Variants in PITPNC1 observed in about 807,000 individuals in gnomAD.
The protein encoded by PITPNC1 is phosphatidylinositol transfer protein cytoplasmic 1, also known as cytoplasmic phosphatidylinositol transfer protein 1.
Under a neutral mutation model 44.7 loss-of-function variants are expected in PITPNC1, and 18 were observed. The observed-to-expected ratio is 0.40, with a 90% CI of 0.28 to 0.60. The LOEUF (loss-of-function observed/expected upper bound fraction) is 0.60. Ranked by LOEUF, PITPNC1 falls within the 20% of genes least tolerant of loss-of-function variation. The pLI is 0.39. For missense variants in PITPNC1, 290 were observed against 418.4 expected, an observed-to-expected ratio of 0.69 and a Z score of 2.68; for synonymous variants, 141 against 149.6, an observed-to-expected ratio of 0.94 and a Z score of 0.42.
chr17:67,688,996 A>G (rs1185894668), intron 8 of PITPNC1, among the ~76,000 whole-genome samples: 33 of 152,192 alleles, frequency 2.2e-4, no homozygotes. Flanking sequence ...TGAGGTCGGG[A>G]GTTCAAGACC....
chr17:67,427,173 ACTTT>A (rs1269028131), intron 1 of PITPNC1, among the ~76,000 whole-genome samples: 11 of 152,008 alleles, frequency 7.2e-5, no homozygotes, highest in South Asian at 2.1e-4. Context: ...GACCCTGGCT[ACTTT>A]CTTTCTTTCC....
intron 1 of PITPNC1, among the ~76,000 whole-genome samples, chr17:67,478,979 A>G (rs549586216): frequency 1.2e-3 from 184 of 151,886 alleles, no homozygotes; most frequent in Non-Finnish European, 2.0e-3. Context: ...TGGTACCAGC[A>G]CAGAGTGGAG....
chr17:67,487,238 G>A (rs964131892), intron 1 of PITPNC1, among the ~76,000 whole-genome samples: 1 of 151,950 alleles, frequency 6.6e-6, no homozygotes, highest in East Asian at 1.9e-4. Flanking sequence ...GTAGTGGCAC[G>A]ATCTCAGCTC....
intron 1 of PITPNC1, among the ~76,000 whole-genome samples, chr17:67,405,380 G>A (rs1413884783): frequency 6.6e-6 from 1 of 151,154 alleles, no homozygotes; most frequent in Non-Finnish European, 1.5e-5. Flanking sequence ...TTGTGCCACT[G>A]TACTCCAGTC....
intron 5 of PITPNC1, among the ~76,000 whole-genome samples, chr17:67,590,728 C>T (rs1433489576): frequency 1.3e-5 from 2 of 151,958 alleles, no homozygotes; most frequent in South Asian, 4.2e-4. Flanking sequence ...TTTAGCAGGC[C>T]GAGGTGGGTG....
intron 5 of PITPNC1, among the ~76,000 whole-genome samples, chr17:67,605,033 C>T (rs1283967052): frequency 2.0e-5 from 3 of 152,082 alleles, no homozygotes; most frequent in Non-Finnish European, 2.9e-5. Context: ...GAGCCGAAAT[C>T]GCGCCATTGC....
chr17:67,636,319 A>G (rs2042032538), intron 6 of PITPNC1, among the ~76,000 whole-genome samples: 1 of 150,760 alleles, frequency 6.6e-6, no homozygotes, highest in Non-Finnish European at 1.5e-5. Flanking sequence ...ATCTGGCTCC[A>G]AATGTCCATA....
At chr17:67,466,158 G>C (rs371362577) in intron 1 of PITPNC1, among the ~76,000 whole-genome samples, 4 of 123,506 alleles carry the variant, frequency 3.2e-5, no homozygotes, top group African/African-American at 1.3e-4. Context: ...ACGCCCAAAT[G>C]CATAACTAAT....
At chr17:67,575,462 G>T (rs1487210448) in intron 4 of PITPNC1, among the ~76,000 whole-genome samples, 1 of 152,184 alleles carries the variant, frequency 6.6e-6, no homozygotes, top group Admixed American at 6.5e-5. Flanking sequence ...CCTTAGTCAC[G>T]GTTCAGATCC....
At chr17:67,606,988 G>A (rs188735010) in intron 5 of PITPNC1, among the ~76,000 whole-genome samples, 7 of 152,256 alleles carry the variant, frequency 4.6e-5, no homozygotes, top group Admixed American at 1.3e-4. Flanking sequence ...AACCTGCTCC[G>A]CTCTCCTGTC....
intron 1 of PITPNC1, among the ~76,000 whole-genome samples, chr17:67,406,689 C>T (rs1017732855): frequency 1.6e-4 from 24 of 151,488 alleles, no homozygotes; most frequent in African/African-American, 2.9e-4. Context: ...CAGGTTCAAG[C>T]GATCCTCCTG....
At chr17:67,477,610 G>A (rs939388635) in intron 1 of PITPNC1, among the ~76,000 whole-genome samples, 6 of 151,614 alleles carry the variant, frequency 4.0e-5, no homozygotes, top group Non-Finnish European at 8.8e-5. Context: ...ATGTTGCCCA[G>A]GCTGGTCTTG....
Position 67,529,219 on chromosome 17 carries a change from G to A in PITPNC1, c.49-3583G>A, listed in dbSNP as rs115823610. ...TGCCTCGGCCATTCCCATCTCCACT[G>A]AGCAGGAAGCACTCGAGCTGAGCCC... On this transcript the variant is annotated intron_variant, in intron 1 of 8. Coordinates refer to ENST00000581322, the MANE Select transcript of PITPNC1 (RefSeq NM_012417.4). Among the ~76,000 whole-genome samples, 1,012 of 152,320 alleles carry A rather than the reference G, an allele frequency of 6.6e-3. 4 individuals carry two copies. Among genetic ancestry groups the A allele is most frequent in the African/African-American group, 0.023 (939 of 41,564 alleles).
chr17:67,426,543 G>T (rs1416123242), intron 1 of PITPNC1, among the ~76,000 whole-genome samples: 1 of 151,862 alleles, frequency 6.6e-6, no homozygotes, highest in African/African-American at 2.4e-5. Flanking sequence ...TCACTCATAA[G>T]TGGGAGTTGA....
chr17:67,412,402 G>C (rs182520727), intron 1 of PITPNC1, among the ~76,000 whole-genome samples: 1 of 152,048 alleles, frequency 6.6e-6, no homozygotes, highest in Non-Finnish European at 1.5e-5. Context: ...TCTCCAACTC[G>C]ACTGGAGACT....
chr17:67,434,297 G>A (rs1379396420), intron 1 of PITPNC1, among the ~76,000 whole-genome samples: 1 of 152,206 alleles, frequency 6.6e-6, no homozygotes, highest in Admixed American at 6.5e-5. Flanking sequence ...GCATCCCATT[G>A]AATGCAATCT....
intron 1 of PITPNC1, among the ~76,000 whole-genome samples, chr17:67,528,566 A>G (rs2040420108): frequency 6.6e-6 from 1 of 152,144 alleles, no homozygotes; most frequent in African/African-American, 2.4e-5. Flanking sequence ...TGGTATTTTC[A>G]CTAAGTTAGG....
chr17:67,624,831 T>A (rs2041877016), intron 5 of PITPNC1, among the ~76,000 whole-genome samples: 1 of 152,198 alleles, frequency 6.6e-6, no homozygotes, highest in African/African-American at 2.4e-5. Context: ...GCCACCAAGA[T>A]TCTTTTCTTA....
chr17:67,634,509 T>C (rs1447680679), intron 6 of PITPNC1, among the ~76,000 whole-genome samples: 1 of 151,668 alleles, frequency 6.6e-6, no homozygotes, highest in Non-Finnish European at 1.5e-5. Flanking sequence ...TGAGCTGAGA[T>C]CACAACAGAG....
Sources: allele counts gnomAD v4.1 joint callset (sites outside exome capture counted in the v4.1 genomes callset), GRCh38; gene constraint gnomAD v4.1.1; transcripts MANE v1.5; gene names NCBI Gene and HGNC (gene_info 2026-07-23, HGNC 2026-07-21).